Variants in SGSM2 observed in about 807,000 individuals in gnomAD.
SGSM2 encodes the protein small G protein signaling modulator 2, also known as RUN and TBC1 domain containing 1.
In SGSM2, 89 loss-of-function variants were observed where a neutral mutation model predicts 126.6. The observed-to-expected ratio is 0.70, with a 90% CI of 0.59 to 0.84. The LOEUF (loss-of-function observed/expected upper bound fraction) is 0.84. SGSM2 is among the 40% of genes least tolerant of loss of function. The pLI is 0.00. For synonymous variants in SGSM2, 614 were observed against 574.3 expected, an observed-to-expected ratio of 1.07 and a Z score of -0.99; for missense variants, 1,404 against 1,416.6, an observed-to-expected ratio of 0.99 and a Z score of 0.14.
Position 2,375,542 on chromosome 17 carries a change from A to G in SGSM2, c.2151A>G (p.Glu717=), listed in dbSNP as rs1215612375. The change falls in exon 18 of 24, where the codon GAA becomes GAG. Residue 717 remains glutamate (E), a synonymous_variant. Transcript: ENST00000268989. Reference sequence around the variant, plus strand: ...AACCCCCGGAGCCCCAGGACCCTGAAGATTCCAGACCAAAACCTGAGCAGG... The same window carrying G: ...AACCCCCGGAGCCCCAGGACCCTGAGGATTCCAGACCAAAACCTGAGCAGG... ...DLEPPEPQDP[E]DSRPKPEQEA... is the part of the protein sequence containing the mutation. The G allele has an allele frequency of 6.2e-7, 1 of 1,613,578 alleles. No homozygotes were observed. The highest frequency in any genetic ancestry group is 2.2e-5 in the East Asian group (1 of 44,874).
chr17:2,376,732 G>A lies in SGSM2; in HGVS notation c.2610-1G>A. 1.2e-6 allele frequency: 2 copies of A among 1,613,980 alleles called. No individual in the cohort carries two copies. The highest frequency in any genetic ancestry group is 1.7e-5 in the Admixed American group (1 of 60,026). On this transcript the variant is annotated splice_acceptor_variant, in intron 19 of 23. Coordinates refer to ENST00000268989, the MANE Select transcript of SGSM2 (RefSeq NM_014853.3). LOFTEE classifies it high-confidence loss of function. Reference sequence around the variant, plus strand: ...ACAGTGACTCTCCCCCTGCCTTTCAGCTACGTGTGGGAGCACCTGGACGTG... The same window carrying A: ...ACAGTGACTCTCCCCCTGCCTTTCAACTACGTGTGGGAGCACCTGGACGTG...
At chr17:2,378,982 C>T (rs1379992195) in intron 22 of SGSM2, 54 bp from the exon 23 acceptor site, 4 of 1,562,314 alleles carry the variant, frequency 2.6e-6, no homozygotes, top group East Asian at 2.3e-5. Flanking sequence ...ATCCCAGCCT[C>T]AGCCCCAGAT....
chr17:2,370,350 G>C (rs1202376096), intron 12 of SGSM2, among the ~76,000 whole-genome samples: 1 of 152,270 alleles, frequency 6.6e-6, no homozygotes, highest in Non-Finnish European at 1.5e-5. Flanking sequence ...CGTGGGCCGT[G>C]GAAGCTCTCG....
rs2066382812 is a variant in SGSM2, at chr17:2,380,968, G to GC, written c.*1448_*1449insC. 6.5e-6 allele frequency: 1 copy of GC among 153,828 alleles called. No individual in the cohort carries two copies. The highest frequency in any genetic ancestry group is 2.0e-4 in the South Asian group (1 of 4,960). 9.5% of individuals were successfully genotyped at this position (153,828 alleles called of 1,614,324 possible). ...GTGTGCCTGCCTTAGTGACTCCGTG[G>GC]TTTTGTGAGGAGCAGAGTGTGTATG... On this transcript the variant is annotated 3_prime_UTR_variant, in exon 24 of 24. Coordinates refer to ENST00000268989, the MANE Select transcript of SGSM2 (RefSeq NM_014853.3).
Position 2,343,663 on chromosome 17 carries a change from C to T in SGSM2, c.133+43C>T, listed in dbSNP as rs375391123. The T allele has an allele frequency of 1.9e-4, 305 of 1,568,468 alleles. 3 individuals carry two copies. The South Asian group carries it at 2.8e-3, about 14-fold the overall frequency. On this transcript the variant is annotated intron_variant, in intron 2 of 23. Coordinates refer to ENST00000268989, the MANE Select transcript of SGSM2 (RefSeq NM_014853.3). ...GGATGATGGGAGGTCGGTCTAGAGC[C>T]GAGGACACTGGCCTGGGGCCAGGAA...
chr17:2,376,503 G>C, intron 19 of SGSM2: 1 of 661,820 alleles, frequency 1.5e-6, no homozygotes, highest in Non-Finnish European at 2.6e-6. Context: ...CCGCACCCCC[G>C]CCCCACATAC....
chr17:2,339,893 G>C (rs917398381), intron 1 of SGSM2, among the ~76,000 whole-genome samples: 1 of 151,980 alleles, frequency 6.6e-6, no homozygotes, highest in Non-Finnish European at 1.5e-5. Context: ...GCCCAAAAAA[G>C]GATTTCTTAG....
intron 1 of SGSM2, among the ~76,000 whole-genome samples, chr17:2,340,796 G>A (rs190976327): frequency 1.1e-4 from 17 of 152,178 alleles, no homozygotes; most frequent in Non-Finnish European, 1.6e-4. Flanking sequence ...ATGTTAGCCA[G>A]GATGGTCTCG....
intron 2 of SGSM2, among the ~76,000 whole-genome samples, chr17:2,346,843 C>T (rs1229216113): frequency 6.6e-6 from 1 of 152,146 alleles, no homozygotes; most frequent in African/African-American, 2.4e-5. Context: ...AATCCCAGTG[C>T]TCTGGGAGGC....
chr17:2,371,723 T>C (rs58713812), intron 13 of SGSM2: 70,147 of 408,982 alleles, frequency 0.17, 10,329 homozygotes, highest in African/African-American at 0.54. Flanking sequence ...CGGCACATCA[T>C]GGGCTCAGTG....
chr17:2,340,151 T>G lies in SGSM2; in HGVS notation c.57+2406T>G, dbSNP rs2064283032. Among the ~76,000 whole-genome samples the G allele has an allele frequency of 2.0e-5, 3 of 152,034 alleles. No individual in the cohort carries two copies. The South Asian group carries it at 6.2e-4, about 32-fold the overall frequency. On this transcript the variant is annotated intron_variant, in intron 1 of 23. Transcript: ENST00000268989. ...TTTTTTTGGAGACGGAGTCTTGCTC[T>G]GTCGCCAGGCTGGAGTGCAGTGGTG... is the stretch of plus-strand genomic sequence containing the variant.
intron 8 of SGSM2, 75 bp from the exon 9 acceptor site, chr17:2,364,521 A>G (rs2065465960): frequency 2.0e-6 from 3 of 1,517,370 alleles, no homozygotes; most frequent in Non-Finnish European, 2.7e-6. Context: ...GTGGGGTGGT[A>G]GGACCAGGAG....
rs770958098 is a variant in SGSM2, at chr17:2,364,732, G to T, written c.1000+69G>T. 5 of 1,582,198 alleles carry T rather than the reference G, an allele frequency of 3.2e-6. No homozygotes were observed. The African/African-American group carries it at 5.4e-5, about 17-fold the overall frequency. ...GCCTTCTGCCAGCTGTGCACTGTGC[G>T]TGGGGCCTGTAAGACTCCTCGTCCT... On this transcript the variant is annotated intron_variant, in intron 9 of 23. Coordinates refer to ENST00000268989, the MANE Select transcript of SGSM2 (RefSeq NM_014853.3).
At chr17:2,370,259 T>C (rs1211192071) in intron 12 of SGSM2, among the ~76,000 whole-genome samples, 1 of 152,236 alleles carries the variant, frequency 6.6e-6, no homozygotes, top group Admixed American at 6.5e-5. Context: ...CCCCCAGTGC[T>C]TCCACTTCCT....
chr17:2,377,998 G>T, intron 22 of SGSM2, 45 bp downstream of exon 22: 1 of 1,214,644 alleles, frequency 8.2e-7, no homozygotes, highest in Non-Finnish European at 1.2e-6. Context: ...GGGACAGTGA[G>T]AGATCCCTCT....
At chr17:2,348,335 G>A (rs532443447) in intron 2 of SGSM2, among the ~76,000 whole-genome samples, 4 of 152,222 alleles carry the variant, frequency 2.6e-5, no homozygotes, top group East Asian at 3.9e-4. Context: ...GAGGTGGGAG[G>A]ATCCCTTGCA....
Position 2,379,763 on chromosome 17 carries a change from A to T in SGSM2, c.*243A>T. 2.6e-5 allele frequency: 36 copies of T among 1,389,846 alleles called. No individual in the cohort carries two copies. Among genetic ancestry groups the T allele is most frequent in the Non-Finnish European group, 3.4e-5 (36 of 1,069,986 alleles). 86.1% of individuals were successfully genotyped at this position (1,389,846 alleles called of 1,614,324 possible). On this transcript the variant is annotated 3_prime_UTR_variant, in exon 24 of 24. Coordinates refer to ENST00000268989, the MANE Select transcript of SGSM2 (RefSeq NM_014853.3). ...CCTCAGGGAGCAGCTGCCTTGGGGG[A>T]CACACCTACTCTGCTCCCCTCTCAC...
At position 2,379,574 on chromosome 17, in the gene SGSM2, T is replaced by G. The variant is rs1597404259; in HGVS notation, c.*54T>G. 6.3e-7 allele frequency: 1 copy of G among 1,580,576 alleles called. No individual in the cohort carries two copies. On this transcript the variant is annotated 3_prime_UTR_variant, in exon 24 of 24. Transcript: ENST00000268989. Reference sequence around the variant, plus strand: ...GAGCCTGGGCTCCGGCAGGGAGAGGTGCAGGGGAGTCACCGCCCAGACCTC... The same window carrying G: ...GAGCCTGGGCTCCGGCAGGGAGAGGGGCAGGGGAGTCACCGCCCAGACCTC...
intron 16 of SGSM2, 62 bp downstream of exon 16, chr17:2,373,143 G>A (rs999553258): frequency 1.9e-6 from 3 of 1,596,846 alleles, no homozygotes; most frequent in Non-Finnish European, 2.6e-6. Context: ...GGACGCCAGG[G>A]AGGGGACCTT....
Sources: gnomAD v4.1 joint callset for allele counts (sites outside exome capture counted in the v4.1 genomes callset) on GRCh38, gnomAD v4.1.1 for gene constraint, MANE v1.5 for transcripts, NCBI Gene and HGNC (gene_info 2026-07-23, HGNC 2026-07-21) for gene names.